The following AEN variants were observed in gnomAD, a reference collection of about 807,000 sequenced individuals.
AEN encodes apoptosis-enhancing nuclease.
A neutral mutation model predicts 17.7 loss-of-function variants in AEN; 21 were observed. That is an observed-to-expected ratio of 1.19 (90% CI 0.84 to 1.71). The LOEUF (loss-of-function observed/expected upper bound fraction) is 1.71. Among genes scored for constraint, AEN ranks in the 40% most tolerant of loss-of-function variants. AEN has a pLI of 0.00. For missense variants in AEN, 462 were observed against 435.9 expected, an observed-to-expected ratio of 1.06 and a Z score of -0.53; for synonymous variants, 190 against 173.0, an observed-to-expected ratio of 1.10 and a Z score of -0.77.
chr15:88,610,124 G>T, the AEN span, among the ~76,000 whole-genome samples: 1 of 152,092 alleles, frequency 6.6e-6, no homozygotes. Flanking sequence ...AAGTTTATTT[G>T]CCAGGTCCCT....
chr15:88,617,092 T>C (rs548077964), upstream of AEN, among the ~76,000 whole-genome samples: 15 of 152,290 alleles, frequency 9.8e-5, no homozygotes, highest in African/African-American at 3.1e-4. Context: ...TTCATTTTCA[T>C]TTATTTATTT....
Position 88,629,010 on chromosome 15 carries a change from A to G in AEN, c.541-216A>G, listed in dbSNP as rs1454405812. 4 of 575,408 alleles carry G rather than the reference A, an allele frequency of 7.0e-6. No homozygotes were observed. In the African/African-American group the frequency reaches 7.5e-5, roughly 11 times the overall value. The allele number at this position is 575,408 out of a possible 1,614,324, so 35.6% of individuals were successfully genotyped here. ...GGCAGTGTTTCCCTTTGACAGGTGC[A>G]GAAGACATAGGTATGCCCCTGGGTA... On this transcript the variant is annotated intron_variant, in intron 2 of 3. Transcript: ENST00000332810.
the AEN span, chr15:88,608,176 A>C: frequency 1.9e-6 from 1 of 531,750 alleles, no homozygotes; most frequent in South Asian, 1.4e-5. Flanking sequence ...AGAGGATGCC[A>C]TTTATCCTTT....
chr15:88,626,723 G>C lies in AEN; in HGVS notation c.514G>C (p.Val172Leu), dbSNP rs61752779. 19,116 of 1,611,124 alleles carry C rather than the reference G, an allele frequency of 0.012. 248 individuals carry two copies. The highest frequency in any genetic ancestry group is 0.049 in the African/African-American group (3,682 of 75,040). Residue 172 changes from valine to leucine, a missense_variant, in exon 2 of 4, where the codon GTC becomes CTC. Transcript: ENST00000332810. ...CACTCGGCAGCACATGCGCAAGGCT[G>C]TCCCCTTCCAGGTGGCCCAGAAAGA... ...GITRQHMRKAVPFQVAQKEIL... is the reference protein window; with the variant it reads ...GITRQHMRKALPFQVAQKEIL...
At chr15:88,604,860 G>C in the AEN span, 2 of 152,410 alleles carry the variant, frequency 1.3e-5, no homozygotes, top group Admixed American at 1.3e-4. The surrounding 1 kb of genome is among the most constrained non-coding windows in gnomAD (Gnocchi z 8.1). Context: ...GGGAAGCAAA[G>C]TACCGGCAGC....
At chr15:88,618,775 A>G (rs2057758499), upstream of AEN, among the ~76,000 whole-genome samples, 1 of 152,204 alleles carries the variant, frequency 6.6e-6, no homozygotes, top group Non-Finnish European at 1.5e-5. Context: ...CCTGATAATT[A>G]TCTATACTCA....
At chr15:88,620,134 CTTAT>C (rs1030463364), upstream of AEN, among the ~76,000 whole-genome samples, 2 of 152,096 alleles carry the variant, frequency 1.3e-5, no homozygotes, top group African/African-American at 4.8e-5. Context: ...GAGCTCCTAG[CTTAT>C]TTCTCATCAC....
chr15:88,619,113 A>G (rs2057760882), upstream of AEN, among the ~76,000 whole-genome samples: 2 of 152,184 alleles, frequency 1.3e-5, no homozygotes, highest in South Asian at 4.1e-4. Context: ...TCTTGGTGAA[A>G]GCAAAGAATG....
chr15:88,609,357 T>C, the AEN span, among the ~76,000 whole-genome samples: 2 of 152,214 alleles, frequency 1.3e-5, no homozygotes, highest in Non-Finnish European at 2.9e-5. Flanking sequence ...TCTTCTTCTT[T>C]ATGAGAATGG....
chr15:88,626,592 A>G lies in AEN; in HGVS notation c.383A>G (p.Glu128Gly). 1 of 1,614,114 alleles carries G rather than the reference A, an allele frequency of 6.2e-7. No individual in the cohort carries two copies. The highest frequency in any genetic ancestry group is 1.1e-5 in the South Asian group (1 of 91,086). The stretch of plus-strand genomic sequence containing the variant: ...ACGGGACCCCGAGGGCGGGTAAGCG[A>G]GCTGGCCCGCTGTTCCATTGTGAGC... ...VGTGPRGRVS[E>G]LARCSIVSYH... is the part of the protein sequence containing the mutation. Residue 128 changes from glutamate (E) to glycine (G), a missense_variant, in exon 2 of 4, where the codon GAG becomes GGG. Transcript: ENST00000332810.
At chr15:88,608,365 A>G in the AEN span, among the ~76,000 whole-genome samples, 1 of 152,214 alleles carries the variant, frequency 6.6e-6, no homozygotes, top group South Asian at 2.1e-4. Flanking sequence ...GCTTACTTCA[A>G]CATACCTGCC....
upstream of AEN, among the ~76,000 whole-genome samples, chr15:88,619,084 T>A (rs560323727): frequency 6.6e-6 from 1 of 152,314 alleles, no homozygotes; most frequent in African/African-American, 2.4e-5. Flanking sequence ...CCTAACAACA[T>A]GATTAGATCC....
chr15:88,626,784 T>C, intron 2 of AEN, 35 bp downstream of exon 2: 1 of 1,576,384 alleles, frequency 6.3e-7, no homozygotes, highest in Non-Finnish European at 8.6e-7. Context: ...TTGGGAGGTG[T>C]GGTGGGCTGG....
At chr15:88,620,382 C>T (rs1417633840), upstream of AEN, among the ~76,000 whole-genome samples, 2 of 151,990 alleles carry the variant, frequency 1.3e-5, no homozygotes, top group East Asian at 3.9e-4. Context: ...CTTGTTATTA[C>T]TCATGTTACA....
Position 88,626,137 on chromosome 15 carries a change from T to C in AEN, c.-64-9T>C, listed in dbSNP as rs957759694. ...ACCCAGCCCCTCTGCCTGTGTGTTC[T>C]CTCTTCAGGCTGCTGCCCCATTGGA... On this transcript the variant is annotated splice_polypyrimidine_tract_variant and intron_variant, in intron 1 of 3. Transcript: ENST00000332810. The C allele has an allele frequency of 3.4e-6, 5 of 1,477,710 alleles. No homozygotes were observed. In the African/African-American group the frequency reaches 5.6e-5, roughly 17 times the overall value. The allele number at this position is 1,477,710 out of a possible 1,614,324, so 91.5% of individuals were successfully genotyped here.
chr15:88,610,949 T>A, the AEN span, among the ~76,000 whole-genome samples: 3 of 152,124 alleles, frequency 2.0e-5, no homozygotes, highest in African/African-American at 7.2e-5. Context: ...CAAGGGAAAT[T>A]AACCAGGGAG....
Position 88,626,698 on chromosome 15 carries a change from C to A in AEN, c.489C>A (p.Ile163=). 2.5e-6 allele frequency: 4 copies of A among 1,613,282 alleles called. No homozygotes were observed. The highest frequency in any genetic ancestry group is 3.4e-6 in the Non-Finnish European group (4 of 1,180,048). The change falls in exon 2 of 4, where the codon ATC becomes ATA. Residue 163 remains isoleucine, a synonymous_variant. Coordinates refer to ENST00000332810, the MANE Select transcript of AEN (RefSeq NM_022767.4). Reference sequence around the variant, plus strand: ...ACTACCGTACCCGCTGGAGTGGCATCACTCGGCAGCACATGCGCAAGGCTG... The same window carrying A: ...ACTACCGTACCCGCTGGAGTGGCATAACTCGGCAGCACATGCGCAAGGCTG... ...IADYRTRWSG[I]TRQHMRKAVP... is the part of the protein sequence containing the mutation.
chr15:88,629,149 AG>A, intron 2 of AEN, 76 bp from the exon 3 acceptor site: 8 of 1,425,420 alleles, frequency 5.6e-6, no homozygotes, highest in Non-Finnish European at 7.9e-6. Context: ...TCTATTGGCC[AG>A]GGGTTCTCAG....
chr15:88,613,266 CT>C, the AEN span, among the ~76,000 whole-genome samples: 3 of 152,194 alleles, frequency 2.0e-5, no homozygotes, highest in Admixed American at 6.5e-5. Flanking sequence ...GCCTCTGCTT[CT>C]GCTGCTCCCT....
Sources: gnomAD v4.1 joint callset for allele counts (sites outside exome capture counted in the v4.1 genomes callset) on GRCh38, gnomAD v4.1.1 for gene constraint, Gnocchi (gnomAD v3.1) non-coding constraint, MANE v1.5 for transcripts, NCBI Gene and HGNC (gene_info 2026-07-23, HGNC 2026-07-21) for gene names.